Variants in KIF26B observed in about 807,000 individuals in gnomAD.
KIF26B encodes the protein kinesin-like protein KIF26B.
Under a neutral mutation model 151.2 loss-of-function variants are expected in KIF26B, and 63 were observed. That is an observed-to-expected ratio of 0.42 (90% CI 0.34 to 0.51). KIF26B has a LOEUF of 0.51. Among genes scored for constraint, KIF26B ranks in the 20% least tolerant of loss-of-function variants. The probability of loss-of-function intolerance (pLI) is 0.07; values close to 1 mark genes in which losing one functional copy is unlikely to be tolerated. For synonymous variants in KIF26B, 1,357 were observed against 1,262.1 expected, an observed-to-expected ratio of 1.08 and a Z score of -1.59; for missense variants, 2,813 against 2,913.6, an observed-to-expected ratio of 0.97 and a Z score of 0.79.
At chr1:245,608,662 G>A (rs1432359206) in intron 7 of KIF26B, among the ~76,000 whole-genome samples, 1 of 152,190 alleles carries the variant, frequency 6.6e-6, no homozygotes, top group African/African-American at 2.4e-5. Context: ...CCCACTGTGT[G>A]TAAAGCAGTG....
At chr1:245,633,413 G>A (rs1246920587) in intron 9 of KIF26B, among the ~76,000 whole-genome samples, 1 of 151,874 alleles carries the variant, frequency 6.6e-6, no homozygotes, top group East Asian at 1.9e-4. Flanking sequence ...GTTTTATGAT[G>A]GTTTTGTATA....
chr1:245,429,360 GA>G (rs1658723663), intron 4 of KIF26B, among the ~76,000 whole-genome samples: 1 of 152,094 alleles, frequency 6.6e-6, no homozygotes, highest in Non-Finnish European at 1.5e-5. Flanking sequence ...TCTGTCTAAC[GA>G]CTGTCCAGGC....
At chr1:245,362,221 C>G (rs978022832) in intron 2 of KIF26B, among the ~76,000 whole-genome samples, 19 of 151,350 alleles carry the variant, frequency 1.3e-4, no homozygotes, top group African/African-American at 4.4e-4. Context: ...TGGTAAGCAT[C>G]GACGAACAAA....
intron 4 of KIF26B, among the ~76,000 whole-genome samples, chr1:245,525,657 C>A (rs1235010022): frequency 1.3e-5 from 2 of 152,184 alleles, no homozygotes; most frequent in Non-Finnish European, 2.9e-5. Flanking sequence ...ACATTCTATC[C>A]AATTGCACCT....
intron 4 of KIF26B, among the ~76,000 whole-genome samples, chr1:245,467,873 C>A (rs1004864337): frequency 1.5e-5 from 2 of 129,248 alleles, no homozygotes; most frequent in Non-Finnish European, 3.3e-5. Context: ...CCAGCCTGGG[C>A]AACAGAGTCA....
chr1:245,332,616 C>T (rs1420554603), intron 2 of KIF26B, among the ~76,000 whole-genome samples: 2 of 152,110 alleles, frequency 1.3e-5, no homozygotes, highest in Admixed American at 1.3e-4. Context: ...CCACTGCTGA[C>T]ATGTTGTGAG....
chr1:245,174,711 C>T lies in KIF26B; in HGVS notation c.465+18028C>T, dbSNP rs575103941. On this transcript the variant is annotated intron_variant, in intron 2 of 14. Transcript: ENST00000407071. ...TTTACAGTATCGACTCTGTGTCAGG[C>T]GCTGTTCTAGGCTCTGGACGCTTGA... Among the ~76,000 whole-genome samples, 42 of 152,244 alleles carry T rather than the reference C, an allele frequency of 2.8e-4. 2 individuals carry two copies. The highest frequency in any genetic ancestry group is 3.4e-3 in the Middle Eastern group (1 of 294).
intron 4 of KIF26B, among the ~76,000 whole-genome samples, chr1:245,517,447 A>G (rs552030173): frequency 2.6e-5 from 4 of 152,318 alleles, no homozygotes; most frequent in South Asian, 4.1e-4. Flanking sequence ...TCTCTGTTGC[A>G]TTATGCTTTT....
At chr1:245,435,439 A>G (rs972562368) in intron 4 of KIF26B, among the ~76,000 whole-genome samples, 2 of 152,194 alleles carry the variant, frequency 1.3e-5, no homozygotes, top group African/African-American at 4.8e-5. Flanking sequence ...TATTATTATC[A>G]GAAATGGTCT....
chr1:245,305,992 A>AAGAG (rs1671532869), intron 2 of KIF26B, among the ~76,000 whole-genome samples: 1 of 151,950 alleles, frequency 6.6e-6, no homozygotes. Context: ...GCCCCTGTGG[A>AAGAG]AGAGAACTTG....
intron 2 of KIF26B, among the ~76,000 whole-genome samples, chr1:245,215,748 G>A (rs986568164): frequency 3.3e-5 from 5 of 152,114 alleles, no homozygotes; most frequent in Non-Finnish European, 7.4e-5. Flanking sequence ...ACTGTGTATT[G>A]TCTTTGTGCT....
chr1:245,191,272 C>T (rs1347279804), intron 2 of KIF26B, among the ~76,000 whole-genome samples: 7 of 151,694 alleles, frequency 4.6e-5, no homozygotes, highest in East Asian at 2.0e-4. Flanking sequence ...GTCAGGAGTT[C>T]GAGACCAGCC....
At position 245,257,763 on chromosome 1, in the gene KIF26B, C is replaced by T. The variant is rs139196643; in HGVS notation, c.465+101080C>T. On this transcript the variant is annotated intron_variant, in intron 2 of 14. Coordinates refer to ENST00000407071, the MANE Select transcript of KIF26B (RefSeq NM_018012.4). ...CAGGCCGGGTGCAGTGGCTCATACC[C>T]GTAATCCCAGCACTTTGGGAGGCCA... Among the ~76,000 whole-genome samples, 1,366 of 152,192 alleles carry T rather than the reference C, an allele frequency of 9.0e-3. 20 individuals are homozygous for T. The highest frequency in any genetic ancestry group is 0.031 in the African/African-American group (1,287 of 41,544).
At chr1:245,159,711 T>C (rs985308170) in intron 2 of KIF26B, among the ~76,000 whole-genome samples, 21 of 152,204 alleles carry the variant, frequency 1.4e-4, no homozygotes, top group Admixed American at 6.5e-5. Context: ...GCAAGCCCTA[T>C]TGAATCCCCC....
intron 12 of KIF26B, 80 bp downstream of exon 12, chr1:245,688,887 C>G (rs541296122): frequency 6.9e-7 from 1 of 1,458,374 alleles, no homozygotes; most frequent in South Asian, 1.4e-5. Context: ...CAGGGTGTCC[C>G]GTGCCCTGGG....
At chr1:245,156,222 C>G in intron 1 of KIF26B, 60 bp from the exon 2 acceptor site, 2 of 1,519,822 alleles carry the variant, frequency 1.3e-6, no homozygotes, top group Non-Finnish European at 1.8e-6. Flanking sequence ...TATGACCCAG[C>G]TCCTGGGCGC....
chr1:245,333,602 T>C (rs975402750), intron 2 of KIF26B, among the ~76,000 whole-genome samples: 15 of 152,140 alleles, frequency 9.9e-5, no homozygotes, highest in Non-Finnish European at 2.2e-4. Context: ...AAATGGTAAA[T>C]TTATGTTACA....
chr1:245,224,662 CAT>C (rs552122456), intron 2 of KIF26B, among the ~76,000 whole-genome samples: 59 of 152,308 alleles, frequency 3.9e-4, no homozygotes, highest in African/African-American at 1.3e-3. Context: ...GTGATATTGA[CAT>C]ATGATTTAAA....
intron 4 of KIF26B, among the ~76,000 whole-genome samples, chr1:245,521,956 G>A (rs1661124994): frequency 6.6e-6 from 1 of 150,858 alleles, no homozygotes. Flanking sequence ...TGCAAGCTCT[G>A]CCTCCCGTGT....
Sources: allele counts gnomAD v4.1 joint callset (sites outside exome capture counted in the v4.1 genomes callset), GRCh38; gene constraint gnomAD v4.1.1; transcripts MANE v1.5; gene names NCBI Gene and HGNC (gene_info 2026-07-23, HGNC 2026-07-21).